ANKIB1: variants seen among roughly 807,000 people sequenced by gnomAD.
The protein encoded by ANKIB1 is ankyrin repeat and IBR domain containing 1, also known as ankyrin repeat and IBR domain-containing protein 1.
ANKIB1 carries 43 observed loss-of-function variants against 122.1 expected under a neutral mutation model. That is an observed-to-expected ratio of 0.35 (90% CI 0.28 to 0.45). ANKIB1 has a LOEUF of 0.45. ANKIB1 is among the 20% of genes least tolerant of loss of function. The probability of loss-of-function intolerance (pLI) is 1.00; values close to 1 mark genes in which losing one functional copy is unlikely to be tolerated. For synonymous variants in ANKIB1, 390 were observed against 442.0 expected (o/e 0.88, Z 1.48); for missense variants, 992 against 1,329.5 (o/e 0.75, Z 3.95).
intron 2 of ANKIB1, among the ~76,000 whole-genome samples, chr7:92,301,030 CT>C (rs35351716): frequency 2.9e-4 from 44 of 152,106 alleles, no homozygotes; most frequent in African/African-American, 9.9e-4. Context: ...GGATTTCCTT[CT>C]TTTTTAAGAC....
chr7:92,370,508 CAAAAAAAAAAAAAA>C (rs34318038), intron 10 of ANKIB1, among the ~76,000 whole-genome samples: 3 of 32,966 alleles, frequency 9.1e-5, no homozygotes, highest in Non-Finnish European at 2.3e-4. Context: ...ACTCTTGTCT[CAAAAAAAAAAAAAA>C]AAAAAAAAAA....
chr7:92,247,016 C>T (rs1220786673), intron 1 of ANKIB1, among the ~76,000 whole-genome samples: 1 of 151,702 alleles, frequency 6.6e-6, no homozygotes, highest in Non-Finnish European at 1.5e-5. Flanking sequence ...GAGCGCTCCC[C>T]TGTATTCTTA....
intron 1 of ANKIB1, among the ~76,000 whole-genome samples, chr7:92,294,168 AT>A (rs1468115264): frequency 6.6e-6 from 1 of 152,188 alleles, no homozygotes; most frequent in African/African-American, 2.4e-5. Flanking sequence ...TAGCAATCAC[AT>A]TGCCCATGTG....
At chr7:92,393,315 A>T (rs1456982157) in intron 17 of ANKIB1, among the ~76,000 whole-genome samples, 1 of 152,088 alleles carries the variant, frequency 6.6e-6, no homozygotes, top group Non-Finnish European at 1.5e-5. Context: ...TGATCTGGAC[A>T]TTTTAAATTC....
At chr7:92,331,920 C>CTT (rs10623886) in intron 5 of ANKIB1, among the ~76,000 whole-genome samples, 22,626 of 152,140 alleles carry the variant, frequency 0.15, 2,074 homozygotes, top group East Asian at 0.38. Context: ...TAGAATCTAA[C>CTT]AACCTATAAT....
intron 15 of ANKIB1, 76 bp downstream of exon 15, chr7:92,390,192 G>T: frequency 6.2e-6 from 7 of 1,130,594 alleles, no homozygotes; most frequent in South Asian, 5.6e-5. Context: ...GAAACCACTT[G>T]TTTTATTTAA....
intron 3 of ANKIB1, among the ~76,000 whole-genome samples, chr7:92,315,137 A>G (rs965111333): frequency 6.6e-6 from 1 of 152,224 alleles, no homozygotes; most frequent in African/African-American, 2.4e-5. Context: ...AGTAAAATTA[A>G]TTAACTTTAT....
At chr7:92,249,439 G>T (rs554328923) in intron 1 of ANKIB1, among the ~76,000 whole-genome samples, 3 of 152,158 alleles carry the variant, frequency 2.0e-5, no homozygotes, top group African/African-American at 7.2e-5. Context: ...AAGAATAAGC[G>T]GCCGGGTGCT....
chr7:92,358,706 G>A (rs1323538443), intron 9 of ANKIB1, among the ~76,000 whole-genome samples: 1 of 151,542 alleles, frequency 6.6e-6, no homozygotes, highest in Non-Finnish European at 1.5e-5. Context: ...AATCTCCAGG[G>A]GAAAAAAGTC....
chr7:92,395,262 G>A (rs1353002568), intron 17 of ANKIB1, among the ~76,000 whole-genome samples: 1 of 152,194 alleles, frequency 6.6e-6, no homozygotes, highest in Non-Finnish European at 1.5e-5. Context: ...ATCTGCCTAA[G>A]TCTGTGTTCA....
intron 1 of ANKIB1, among the ~76,000 whole-genome samples, chr7:92,252,344 T>G (rs1338809818): frequency 1.3e-5 from 2 of 152,128 alleles, no homozygotes; most frequent in Non-Finnish European, 2.9e-5. Context: ...TTTCTGTTAT[T>G]TCTTCTATGC....
chr7:92,370,283 C>A (rs961710651), intron 10 of ANKIB1, among the ~76,000 whole-genome samples: 1 of 151,374 alleles, frequency 6.6e-6, no homozygotes, highest in African/African-American at 2.4e-5. Flanking sequence ...CCGAGGCGGG[C>A]GGATCACGAG....
chr7:92,279,107 G>A (rs1049907726), intron 1 of ANKIB1, among the ~76,000 whole-genome samples: 5 of 152,176 alleles, frequency 3.3e-5, no homozygotes, highest in Admixed American at 2.0e-4. Context: ...TCCTTTGTGT[G>A]TGCAGTTCAC....
chr7:92,311,724 CCACA>C (rs3042461), intron 3 of ANKIB1, among the ~76,000 whole-genome samples: 1 of 149,994 alleles, frequency 6.7e-6, no homozygotes, highest in African/African-American at 2.4e-5. Flanking sequence ...AGCGCCCCCC[CCACA>C]CACACACACA....
At chr7:92,268,600 C>A (rs1801721019) in intron 1 of ANKIB1, among the ~76,000 whole-genome samples, 2 of 152,148 alleles carry the variant, frequency 1.3e-5, no homozygotes, top group South Asian at 4.1e-4. Context: ...ACCTCAGGCT[C>A]CCGTAGCTGG....
At chr7:92,339,504 A>C (rs1803389526) in intron 5 of ANKIB1, among the ~76,000 whole-genome samples, 1 of 152,226 alleles carries the variant, frequency 6.6e-6, no homozygotes, top group South Asian at 2.1e-4. Flanking sequence ...CTGGAATATT[A>C]TCTACTTCAG....
chr7:92,371,894 C>T lies in ANKIB1; in HGVS notation c.1617+287C>T, dbSNP rs1234592918. Among the ~76,000 whole-genome samples, 3 of 150,802 alleles carry T rather than the reference C, an allele frequency of 2.0e-5. No homozygotes were observed. The East Asian group carries it at 5.9e-4, about 30-fold the overall frequency. ...GAAGATCAGAAATTCATGAATCCTTCCTTGCTAGTCACCTTCCCCGCTAGT... is the reference window on the plus strand; with the variant it reads ...GAAGATCAGAAATTCATGAATCCTTTCTTGCTAGTCACCTTCCCCGCTAGT... On this transcript the variant is annotated intron_variant, in intron 11 of 19. Coordinates refer to ENST00000265742, the MANE Select transcript of ANKIB1 (RefSeq NM_019004.2).
chr7:92,263,422 A>G (rs1801604411), intron 1 of ANKIB1, among the ~76,000 whole-genome samples: 1 of 152,154 alleles, frequency 6.6e-6, no homozygotes, highest in Non-Finnish European at 1.5e-5. Context: ...TATATTTCCC[A>G]CTTTCCTTAA....
intron 11 of ANKIB1, among the ~76,000 whole-genome samples, chr7:92,381,896 A>G (rs1399723024): frequency 6.6e-6 from 1 of 152,226 alleles, no homozygotes; most frequent in Non-Finnish European, 1.5e-5. Flanking sequence ...TAACAATATT[A>G]ACCTTAAATG....
Sources: allele counts gnomAD v4.1 joint callset (sites outside exome capture counted in the v4.1 genomes callset), GRCh38; gene constraint gnomAD v4.1.1; transcripts MANE v1.5; gene names NCBI Gene and HGNC (gene_info 2026-07-23, HGNC 2026-07-21).